Variants in CACNA1A observed in about 807,000 individuals in gnomAD.
The protein encoded by CACNA1A is voltage-dependent P/Q-type calcium channel subunit alpha-1A.
A neutral mutation model predicts 262.4 loss-of-function variants in CACNA1A; 57 were observed. That is an observed-to-expected ratio of 0.22 (90% CI 0.18 to 0.27). CACNA1A has a LOEUF of 0.27. Ranked by LOEUF, CACNA1A falls within the 10% of genes least tolerant of loss-of-function variation. The pLI, the probability that CACNA1A is intolerant of heterozygous loss-of-function variation, is 1.00. For missense variants in CACNA1A, 2,526 were observed against 3,562.8 expected, an observed-to-expected ratio of 0.71 and a Z score of 7.41; for synonymous variants, 1,431 against 1,419.3, an observed-to-expected ratio of 1.01 and a Z score of -0.18.
chr19:13,349,905 C>T (rs1220425189), intron 6 of CACNA1A, among the ~76,000 whole-genome samples: 1 of 152,176 alleles, frequency 6.6e-6, no homozygotes, highest in Admixed American at 6.5e-5. Context: ...CACAAGGCTA[C>T]CCAGAGCCTT....
chr19:13,275,743 A>G (rs1479612970), intron 24 of CACNA1A, 107 bp downstream of exon 24: 3 of 787,502 alleles, frequency 3.8e-6, no homozygotes, highest in Non-Finnish European at 6.6e-6. Context: ...CCCGGAGCCC[A>G]CACACCCCAT....
At chr19:13,332,469 A>G (rs538386750) in intron 9 of CACNA1A, among the ~76,000 whole-genome samples, 2 of 152,264 alleles carry the variant, frequency 1.3e-5, no homozygotes, top group Non-Finnish European at 2.9e-5. Context: ...GGGAGACAGC[A>G]GCCGTTCACA....
At chr19:13,457,573 G>A (rs573089529) in intron 1 of CACNA1A, among the ~76,000 whole-genome samples, 4 of 151,998 alleles carry the variant, frequency 2.6e-5, no homozygotes, top group Admixed American at 6.6e-5. Flanking sequence ...GAAGTAGGCC[G>A]GGTGCAGTGG....
intron 22 of CACNA1A, among the ~76,000 whole-genome samples, chr19:13,282,467 C>T (rs1389375367): frequency 2.0e-5 from 3 of 152,118 alleles, no homozygotes; most frequent in Non-Finnish European, 4.4e-5. Context: ...ATCTCAACCA[C>T]AAGCATGCAC....
At chr19:13,334,783 C>G (rs539405356) in intron 7 of CACNA1A, among the ~76,000 whole-genome samples, 2 of 151,918 alleles carry the variant, frequency 1.3e-5, no homozygotes, top group Admixed American at 6.6e-5. Context: ...GTCTGTAATC[C>G]CAGCACTTTG....
At chr19:13,342,565 T>G (rs895979049) in intron 6 of CACNA1A, among the ~76,000 whole-genome samples, 1 of 152,116 alleles carries the variant, frequency 6.6e-6, no homozygotes, top group Non-Finnish European at 1.5e-5. Flanking sequence ...TTTCCAGCAA[T>G]ATGGTGGGAT....
rs1012734035 is a variant in CACNA1A, at chr19:13,388,300, G to GGCT, written c.540-16524_540-16522dup. ...AGACAAAGTCTTGCTCTGTCACCCA[G>GGCT]GCTGGAGTGCAATGGTGTGATCTCA... On this transcript the variant is annotated intron_variant, in intron 3 of 46. Coordinates refer to ENST00000360228, the MANE Select transcript of CACNA1A (RefSeq NM_001127222.2). 1.2e-4 allele frequency among the ~76,000 whole-genome samples: 16 copies of GGCT among 134,102 alleles called. 1 individual carries two copies. The highest frequency in any genetic ancestry group is 3.1e-4 in the African/African-American group (11 of 34,922). The allele number at this position is 134,102 out of a possible 152,430, so 88.0% of individuals were successfully genotyped here. A position where few individuals can be genotyped will look rare whatever the true frequency, so the allele number is the denominator to read the frequency against.
At chr19:13,455,906 G>C (rs2060998899) in intron 1 of CACNA1A, among the ~76,000 whole-genome samples, 1 of 144,028 alleles carries the variant, frequency 6.9e-6, no homozygotes, top group African/African-American at 2.6e-5. Context: ...ATTAAAAATA[G>C]ATAGAGGCTG....
chr19:13,459,477 A>G (rs72999641), intron 1 of CACNA1A, among the ~76,000 whole-genome samples: 14,074 of 152,212 alleles, frequency 0.092, 901 homozygotes, highest in East Asian at 0.35. Flanking sequence ...TGGGGAGCCA[A>G]CAAAAGCCGG....
chr19:13,459,877 A>G (rs1319067422), intron 1 of CACNA1A, among the ~76,000 whole-genome samples: 1 of 152,180 alleles, frequency 6.6e-6, no homozygotes, highest in African/African-American at 2.4e-5. Context: ...ATGGGCTGCA[A>G]TATCAGGGTT....
intron 3 of CACNA1A, among the ~76,000 whole-genome samples, chr19:13,407,663 C>A (rs1212747013): frequency 2.6e-5 from 4 of 152,306 alleles, no homozygotes; most frequent in Non-Finnish European, 5.9e-5. Context: ...TCAATGGAGT[C>A]TTCCAATTGT....
chr19:13,302,882 G>C (rs2057816083), intron 17 of CACNA1A, among the ~76,000 whole-genome samples: 1 of 152,218 alleles, frequency 6.6e-6, no homozygotes, highest in Non-Finnish European at 1.5e-5. Flanking sequence ...AACATGTCCT[G>C]AATACCTCGA....
intron 12 of CACNA1A, among the ~76,000 whole-genome samples, chr19:13,309,481 C>T (rs2057972559): frequency 6.6e-6 from 1 of 151,364 alleles, no homozygotes. Flanking sequence ...TCACTTGAGC[C>T]CAGGAGTTCA....
Position 13,212,041 on chromosome 19 carries a change from G to T in CACNA1A, c.6303+62C>A. Reference sequence around the variant, plus strand: ...GATGCACTGGGCTGCTTGTGGGGGGGCCTGGCCCTACCCAGTGCAGAGTGA... The same window carrying T: ...GATGCACTGGGCTGCTTGTGGGGGGTCCTGGCCCTACCCAGTGCAGAGTGA... On this transcript the variant is annotated intron_variant, in intron 43 of 46. Coordinates refer to ENST00000360228, the MANE Select transcript of CACNA1A (RefSeq NM_001127222.2). This position sits in a 1 kb window ranked among gnomAD's most constrained non-coding sequence, Gnocchi z 5.6. 2 of 1,219,014 alleles carry T rather than the reference G, an allele frequency of 1.6e-6. No individual in the cohort carries two copies. Among genetic ancestry groups the T allele is most frequent in the African/African-American group, 1.5e-5 (1 of 67,746 alleles). 75.5% of individuals were successfully genotyped at this position (1,219,014 alleles called of 1,614,324 possible).
At chr19:13,470,925 TTGGG>T (rs1410685468) in intron 1 of CACNA1A, among the ~76,000 whole-genome samples, 1 of 152,136 alleles carries the variant, frequency 6.6e-6, no homozygotes, top group Non-Finnish European at 1.5e-5. Context: ...TTGCCACAGA[TTGGG>T]TGGCTTAAAA....
intron 6 of CACNA1A, among the ~76,000 whole-genome samples, chr19:13,344,698 T>G (rs543163293): frequency 4.4e-4 from 67 of 152,250 alleles, no homozygotes; most frequent in Non-Finnish European, 7.6e-4. Flanking sequence ...GCATAGTCAA[T>G]ACAAATGTTC....
intron 6 of CACNA1A, among the ~76,000 whole-genome samples, chr19:13,342,493 C>T (rs549608132): frequency 1.2e-3 from 179 of 152,306 alleles, no homozygotes; most frequent in Middle Eastern, 6.8e-3. Flanking sequence ...TGTCTTTCTT[C>T]CAAGGGCTCA....
intron 3 of CACNA1A, among the ~76,000 whole-genome samples, chr19:13,376,865 G>A (rs1177589514): frequency 7.0e-6 from 1 of 143,334 alleles, no homozygotes; most frequent in Non-Finnish European, 1.5e-5. Context: ...TATGTTATAT[G>A]TGATATATAT....
intron 3 of CACNA1A, among the ~76,000 whole-genome samples, chr19:13,386,056 T>G (rs2059607012): frequency 6.7e-6 from 1 of 150,296 alleles, no homozygotes; most frequent in African/African-American, 2.5e-5. Context: ...GAGGCTAAGG[T>G]GGGCGGATCA....
Sources: gnomAD v4.1 joint callset for allele counts (sites outside exome capture counted in the v4.1 genomes callset) on GRCh38, gnomAD v4.1.1 for gene constraint, Gnocchi (gnomAD v3.1) non-coding constraint, MANE v1.5 for transcripts, NCBI Gene and HGNC (gene_info 2026-07-23, HGNC 2026-07-21) for gene names.